The following NEK11 variants were observed in gnomAD, a reference collection of about 807,000 sequenced individuals.
NEK11 encodes NIMA related kinase 11, also known as serine/threonine-protein kinase Nek11.
NEK11 carries 72 observed loss-of-function variants against 80.7 expected under a neutral mutation model. The ratio of observed to expected loss-of-function variants is 0.89; its 90% CI spans 0.74 to 1.08. The LOEUF (loss-of-function observed/expected upper bound fraction) is 1.08. Among genes scored for constraint, NEK11 ranks in the 50% least tolerant of loss-of-function variants. NEK11 has a pLI of 0.00. For synonymous variants in NEK11, 251 were observed against 260.7 expected, an observed-to-expected ratio of 0.96 and a Z score of 0.36; for missense variants, 764 against 763.6, an observed-to-expected ratio of 1.00 and a Z score of -0.01.
chr3:131,076,026 TGCA>T (rs1324929711), intron 3 of NEK11, among the ~76,000 whole-genome samples: 1 of 152,160 alleles, frequency 6.6e-6, no homozygotes, highest in African/African-American at 2.4e-5. Context: ...TGTTTCTTGA[TGCA>T]GCTCACACTC....
intron 17 of NEK11, among the ~76,000 whole-genome samples, chr3:131,340,912 A>G (rs1428376075): frequency 1.3e-5 from 2 of 152,224 alleles, no homozygotes; most frequent in African/African-American, 4.8e-5. Context: ...TAGAAAGGAA[A>G]TGCACCATAG....
At chr3:131,111,599 A>G (rs2080140717) in intron 5 of NEK11, among the ~76,000 whole-genome samples, 2 of 152,182 alleles carry the variant, frequency 1.3e-5, no homozygotes, top group African/African-American at 4.8e-5. Context: ...TGTCTCCACT[A>G]TTCACCAGAT....
chr3:131,269,032 C>T (rs941800856), intron 16 of NEK11, among the ~76,000 whole-genome samples: 1 of 152,202 alleles, frequency 6.6e-6, no homozygotes, highest in South Asian at 2.1e-4. Flanking sequence ...TGGGCTCTGC[C>T]CAGTTCAAAC....
rs183809152 is a variant in NEK11, at chr3:131,266,833, T to C, written c.1622-6645T>C. On this transcript the variant is annotated intron_variant, in intron 16 of 17. Coordinates refer to ENST00000383366, the MANE Select transcript of NEK11 (RefSeq NM_024800.5). ...TATTGTGTGTGAGTCTAAGTCTCTT[T>C]GTAGGTCTCTGAGGGCTTGCTTTAT... Among the ~76,000 whole-genome samples the C allele has an allele frequency of 3.1e-3, 470 of 152,328 alleles. 3 individuals carry two copies. The highest frequency in any genetic ancestry group is 0.011 in the African/African-American group (448 of 41,574).
chr3:131,084,981 G>A (rs1316665519), intron 4 of NEK11, among the ~76,000 whole-genome samples: 1 of 152,204 alleles, frequency 6.6e-6, no homozygotes, highest in East Asian at 1.9e-4. Flanking sequence ...GGAAAAATTT[G>A]TCATTATTGG....
chr3:131,109,190 T>C (rs2079671700), intron 4 of NEK11, among the ~76,000 whole-genome samples: 2 of 152,088 alleles, frequency 1.3e-5, no homozygotes, highest in Non-Finnish European at 2.9e-5. Flanking sequence ...TTAAAACAGA[T>C]TTTATGAAGT....
intron 3 of NEK11, among the ~76,000 whole-genome samples, chr3:131,032,788 A>G (rs1226727767): frequency 6.6e-6 from 1 of 152,228 alleles, no homozygotes; most frequent in African/African-American, 2.4e-5. Context: ...TAAGATTTAG[A>G]TGTCACATTG....
At position 131,232,630 on chromosome 3, in the gene NEK11, T is replaced by C. The variant is rs2095352545; in HGVS notation, c.1560+3942T>C. On this transcript the variant is annotated intron_variant, in intron 15 of 17. Transcript: ENST00000383366. The stretch of plus-strand genomic sequence containing the variant: ...CCAAATCATTCAGAGGTTTTGAAAT[T>C]CTTAGGAAAAACAATTGATTTTCTT... Among the ~76,000 whole-genome samples the C allele has an allele frequency of 1.3e-5, 2 of 152,170 alleles. 1 individual carries two copies. Among genetic ancestry groups the C allele is most frequent in the South Asian group, 4.1e-4 (2 of 4,830 alleles).
chr3:131,269,563 T>TCC, intron 16 of NEK11, among the ~76,000 whole-genome samples: 1 of 152,146 alleles, frequency 6.6e-6, no homozygotes, highest in East Asian at 1.9e-4. Flanking sequence ...CTGCACCCAT[T>TCC]GTCTAACCAG....
chr3:131,274,932 C>T (rs1368402277), intron 17 of NEK11, among the ~76,000 whole-genome samples: 4 of 151,636 alleles, frequency 2.6e-5, no homozygotes, highest in African/African-American at 7.2e-5. Flanking sequence ...GGATTACAGG[C>T]GTGAGCCACC....
intron 14 of NEK11, among the ~76,000 whole-genome samples, chr3:131,209,992 G>C (rs578107681): frequency 2.0e-5 from 3 of 152,194 alleles, no homozygotes; most frequent in African/African-American, 7.2e-5. Flanking sequence ...CTTCAGATCT[G>C]CTCTGATCTT....
Position 131,155,102 on chromosome 3 carries a change from G to C in NEK11, c.943G>C (p.Ala315Pro). The change falls in exon 10 of 18, where the codon GCT becomes CCT. Residue 315 changes from alanine (A) to proline (P), a missense_variant. Transcript: ENST00000383366. ...AAATTTGGATTGTCAGAAGGAGGCT[G>C]CTCATATAATTAATGCCATGTAAGT... ...DKNLDCQKEA[A>P]HIINAMQKRI... 6.2e-7 allele frequency: 1 copy of C among 1,608,766 alleles called. No homozygotes were observed. Among genetic ancestry groups the C allele is most frequent in the Non-Finnish European group, 8.5e-7 (1 of 1,175,166 alleles).
At chr3:131,120,963 G>C (rs528180502) in intron 5 of NEK11, among the ~76,000 whole-genome samples, 2 of 152,078 alleles carry the variant, frequency 1.3e-5, no homozygotes, top group African/African-American at 2.4e-5. Flanking sequence ...ATTACCTATC[G>C]GCTGAACCCT....
At chr3:131,042,713 T>C (rs569647512) in intron 3 of NEK11, among the ~76,000 whole-genome samples, 1 of 152,210 alleles carries the variant, frequency 6.6e-6, no homozygotes, top group East Asian at 1.9e-4. Context: ...TCCTGCCTGC[T>C]GACTCTGAAG....
intron 17 of NEK11, among the ~76,000 whole-genome samples, chr3:131,331,894 C>T (rs539651882): frequency 3.2e-4 from 49 of 152,322 alleles, no homozygotes; most frequent in African/African-American, 1.0e-3. Flanking sequence ...AACTGCAAGG[C>T]GGCAGCGAGG....
rs747325277 is a variant in NEK11 at position 131,228,702 on chromosome 3, C to T, written c.1560+14C>T. ...ACAAACCAACAGGTATGTAATGCTCCCTGTCGGAAGCCATGGAACTGTTCA... is the reference window on the plus strand; with the variant it reads ...ACAAACCAACAGGTATGTAATGCTCTCTGTCGGAAGCCATGGAACTGTTCA... On this transcript the variant is annotated intron_variant, in intron 15 of 17. Transcript: ENST00000383366. The T allele has an allele frequency of 3.7e-6, 6 of 1,608,150 alleles. No individual in the cohort carries two copies. The highest frequency in any genetic ancestry group is 1.7e-4 in the Middle Eastern group (1 of 6,026).
intron 3 of NEK11, among the ~76,000 whole-genome samples, chr3:131,032,075 C>T (rs1167252151): frequency 6.6e-6 from 1 of 151,984 alleles, no homozygotes; most frequent in African/African-American, 2.4e-5. Flanking sequence ...GATTCTCCCA[C>T]CTCAGCCTCC....
At chr3:131,171,780 T>C (rs2092708492) in intron 14 of NEK11, among the ~76,000 whole-genome samples, 1 of 152,126 alleles carries the variant, frequency 6.6e-6, no homozygotes, top group African/African-American at 2.4e-5. Context: ...GTCTTCTCAG[T>C]CTTGTTCACC....
chr3:131,309,294 A>G (rs144532241), intron 17 of NEK11, among the ~76,000 whole-genome samples: 13 of 152,298 alleles, frequency 8.5e-5, no homozygotes, highest in African/African-American at 3.1e-4. Flanking sequence ...CATTTTTCAC[A>G]TACTCTTTCC....
Sources: gnomAD v4.1 joint callset for allele counts (sites outside exome capture counted in the v4.1 genomes callset) on GRCh38, gnomAD v4.1.1 for gene constraint, MANE v1.5 for transcripts, NCBI Gene and HGNC (gene_info 2026-07-23, HGNC 2026-07-21) for gene names.